Variants in ART3 observed in about 807,000 individuals in gnomAD.
ART3 encodes the protein ADP-ribosyltransferase 3 (inactive).
ART3 carries 49 observed loss-of-function variants against 48.5 expected under a neutral mutation model. That is an observed-to-expected ratio of 1.01 (90% CI 0.80 to 1.28). ART3 has a LOEUF of 1.28. Among genes scored for constraint, ART3 ranks in the 50% most tolerant of loss-of-function variants. The pLI is 0.00. For synonymous variants in ART3, 145 were observed against 157.2 expected, an observed-to-expected ratio of 0.92 and a Z score of 0.58; for missense variants, 438 against 454.3, an observed-to-expected ratio of 0.96 and a Z score of 0.33.
At chr4:76,026,787 TAGA>T (rs1327922502) in intron 1 of ART3, among the ~76,000 whole-genome samples, 6 of 152,356 alleles carry the variant, frequency 3.9e-5, no homozygotes, top group Admixed American at 6.5e-5. Flanking sequence ...TGGATGGTGT[TAGA>T]AGAAGGAGGA....
intron 11 of ART3, among the ~76,000 whole-genome samples, chr4:76,107,996 T>C (rs865982793): frequency 1.3e-5 from 2 of 152,040 alleles, no homozygotes; most frequent in African/African-American, 4.8e-5. Flanking sequence ...CGATAATCGT[T>C]TTCCATTGTA....
chr4:76,022,572 G>A, intron 1 of ART3: 1 of 1,474,076 alleles, frequency 6.8e-7, no homozygotes, highest in East Asian at 2.3e-5. Flanking sequence ...TTTGTTTGCT[G>A]TACATTAGTT....
intron 3 of ART3, among the ~76,000 whole-genome samples, chr4:76,097,163 G>T (rs867082370): frequency 4.6e-5 from 7 of 152,278 alleles, no homozygotes; most frequent in Non-Finnish European, 1.0e-4. Flanking sequence ...TCATATGGCT[G>T]TTTGGTGGCT....
rs748140533 is a variant in ART3, at chr4:76,104,643, A to G, written c.1003+14A>G. The G allele has an allele frequency of 2.9e-5, 45 of 1,551,446 alleles. No individual in the cohort carries two copies. Among genetic ancestry groups the G allele is most frequent in the Admixed American group, 2.7e-4 (14 of 50,988 alleles). On this transcript the variant is annotated intron_variant, in intron 10 of 11. Transcript: ENST00000355810. ...TTCCACTACCTGGTAAGCAACTGAT[A>G]GGCATGCCAGAGGGGAACATGCCAG... is the stretch of plus-strand genomic sequence containing the variant.
At chr4:76,071,632 T>G (rs6841333), upstream of ART3, among the ~76,000 whole-genome samples, 35,827 of 152,138 alleles carry the variant, frequency 0.24, 4,647 homozygotes, top group East Asian at 0.42. Flanking sequence ...AATGGTCAGT[T>G]CTCAGTCCTC....
chr4:76,043,601 C>T lies in ART3; in HGVS notation c.-9-32280C>T, dbSNP rs957441530. On this transcript the variant is annotated intron_variant, in intron 1 of 9. Transcript: ENST00000341029. The stretch of plus-strand genomic sequence containing the variant: ...CCGAGTGCGGGGCCCACCAAGCCCA[C>T]GCCCACCCAGAACTCCAGCTGGCCC... 2.6e-5 allele frequency among the ~76,000 whole-genome samples: 4 copies of T among 152,148 alleles called. 1 individual carries two copies. Among genetic ancestry groups the T allele is most frequent in the African/African-American group, 4.8e-5 (2 of 41,454 alleles).
At chr4:76,023,085 C>A (rs544587269) in intron 1 of ART3, among the ~76,000 whole-genome samples, 1 of 152,256 alleles carries the variant, frequency 6.6e-6, no homozygotes, top group Non-Finnish European at 1.5e-5. Flanking sequence ...AAGGAAGTAT[C>A]TGTATCTCAT....
At chr4:76,072,364 A>C (rs1720407283), upstream of ART3, among the ~76,000 whole-genome samples, 1 of 152,210 alleles carries the variant, frequency 6.6e-6, no homozygotes, top group Non-Finnish European at 1.5e-5. Flanking sequence ...AACAGGCTCA[A>C]ATAAAAATGG....
chr4:76,018,437 C>T (rs1732458112), intron 1 of ART3, among the ~76,000 whole-genome samples: 1 of 152,094 alleles, frequency 6.6e-6, no homozygotes, highest in Non-Finnish European at 1.5e-5. Context: ...ACCTACTCGA[C>T]AGTGGGGGTA....
chr4:76,068,168 G>T (rs1187248142), intron 1 of ART3, among the ~76,000 whole-genome samples: 5 of 152,060 alleles, frequency 3.3e-5, no homozygotes, highest in Admixed American at 2.0e-4. Flanking sequence ...GCCTTATTTA[G>T]GTATGACTTA....
intron 1 of ART3, among the ~76,000 whole-genome samples, chr4:76,029,579 G>GT (rs903832958): frequency 7.9e-5 from 12 of 151,898 alleles, no homozygotes; most frequent in Non-Finnish European, 1.2e-4. Context: ...AACCCTAACA[G>GT]TTTTTTTTGT....
chr4:76,021,833 G>C (rs1560576972), intron 1 of ART3: 2 of 1,187,276 alleles, frequency 1.7e-6, no homozygotes, highest in South Asian at 2.5e-5. Context: ...GAACAATTAT[G>C]GCTTGACATA....
chr4:76,062,687 A>G (rs1160195333), intron 1 of ART3, among the ~76,000 whole-genome samples: 1 of 147,950 alleles, frequency 6.8e-6, no homozygotes, highest in East Asian at 2.0e-4. Flanking sequence ...CAGCCTCCCG[A>G]GTAGCTGGGA....
chr4:76,032,101 T>G (rs1217787966), intron 1 of ART3, among the ~76,000 whole-genome samples: 2 of 152,214 alleles, frequency 1.3e-5, no homozygotes, highest in Non-Finnish European at 2.9e-5. Flanking sequence ...TTCATATATT[T>G]ATTTTGCTAT....
intron 11 of ART3, chr4:76,112,112 G>A: frequency 8.6e-6 from 3 of 349,612 alleles, no homozygotes; most frequent in Non-Finnish European, 1.5e-5. Flanking sequence ...GCTATTAGTA[G>A]TTAAGTTTTT....
At chr4:76,026,109 G>C (rs1189572800) in intron 1 of ART3, among the ~76,000 whole-genome samples, 2 of 151,220 alleles carry the variant, frequency 1.3e-5, no homozygotes, top group East Asian at 3.9e-4. Context: ...CTACAATCCA[G>C]TCAGTGGCCC....
intron 1 of ART3, among the ~76,000 whole-genome samples, chr4:76,035,659 C>T (rs1431978078): frequency 6.6e-5 from 10 of 152,200 alleles, no homozygotes; most frequent in Admixed American, 6.5e-4. Context: ...ATAAAATCTT[C>T]TTAACAGACA....
Position 76,081,881 on chromosome 4 carries a change from T to C in ART3, c.127T>C (p.Cys43Arg), listed in dbSNP as rs1431307818. ...DNAFDDEYLK[C>R]TDRMEIKYVP... ...TGCATTTGATGATGAATACCTGAAA[T>C]GTACGGACAGGATGGAAATTAAATA... The change falls in exon 3 of 12, where the codon TGT (cysteine) becomes CGT (arginine). Residue 43 changes from cysteine to arginine, a missense_variant. By Grantham distance (180) the Cys-to-Arg change is radical. Coordinates refer to ENST00000355810, the MANE Select transcript of ART3 (RefSeq NM_001130016.3). 2 of 1,614,040 alleles carry C rather than the reference T, an allele frequency of 1.2e-6. No individual in the cohort carries two copies. The highest frequency in any genetic ancestry group is 1.7e-6 in the Non-Finnish European group (2 of 1,180,036).
chr4:76,111,025 C>T (rs918865918), intron 11 of ART3, among the ~76,000 whole-genome samples: 5 of 152,058 alleles, frequency 3.3e-5, no homozygotes, highest in Admixed American at 6.6e-5. Flanking sequence ...TGTAAAGATG[C>T]GGTATTAAAA....
Sources: allele counts gnomAD v4.1 joint callset (sites outside exome capture counted in the v4.1 genomes callset), GRCh38; gene constraint gnomAD v4.1.1; transcripts MANE v1.5; gene names NCBI Gene and HGNC (gene_info 2026-07-23, HGNC 2026-07-21).